The following ACSL4 variants were observed in gnomAD, a reference collection of about 807,000 sequenced individuals.
ACSL4 encodes acyl-CoA synthetase long chain family member 4, also known as long-chain-fatty-acid--CoA ligase 4.
ACSL4 carries 9 observed loss-of-function variants against 49.1 expected under a neutral mutation model. That is an observed-to-expected ratio of 0.18 (90% confidence interval 0.11 to 0.32). ACSL4 has a LOEUF of 0.32. ACSL4 is among the 10% of genes least tolerant of loss of function. The probability of loss-of-function intolerance (pLI) is 1.00; values close to 1 mark genes in which losing one functional copy is unlikely to be tolerated. For missense variants in ACSL4, 333 were observed against 493.7 expected (o/e 0.67, Z 3.08); for synonymous variants, 191 against 170.3 (o/e 1.12, Z -0.95).
chrX:109,703,155 C>T (rs1029879681), intron 1 of ACSL4, among the ~76,000 whole-genome samples: 3 of 111,891 alleles, frequency 2.7e-5, no homozygotes, highest in African/African-American at 9.7e-5. Context: ...TGGAAAAACA[C>T]AGCTGATACC....
Position 109,653,862 on chromosome X carries a change from G to A in ACSL4, c.1855+5492C>T, listed in dbSNP as rs1023535132. On this transcript the variant is annotated intron_variant, in intron 15 of 15. Transcript: ENST00000672401. ...GGAGATATACCTAATGCTAAATGAC[G>A]AGTTAATGGGTGCAGCACACCAGCA... Among the ~76,000 whole-genome samples the A allele has an allele frequency of 2.7e-3, 293 of 108,664 alleles. 2 individuals carry two copies. The highest frequency in any genetic ancestry group is 9.2e-3 in the African/African-American group (273 of 29,757). The allele number at this position is 108,664 out of a possible 115,157, so 94.4% of individuals were successfully genotyped here.
intron 9 of ACSL4, 64 bp from the exon 10 acceptor site, chrX:109,669,237 C>A (rs879238724): frequency 4.6e-5 from 41 of 894,731 alleles, no homozygotes; most frequent in Non-Finnish European, 1.6e-6. Context: ...GTTGAAGATA[C>A]CTTACTTGCA....
chrX:109,707,619 G>A (rs1048153479), intron 1 of ACSL4, among the ~76,000 whole-genome samples: 6 of 110,026 alleles, frequency 5.5e-5, no homozygotes, highest in Admixed American at 9.7e-5. Flanking sequence ...TGGTCTGGGA[G>A]TTGCGGACCC....
chrX:109,648,002 TA>T (rs1038407323), intron 15 of ACSL4, among the ~76,000 whole-genome samples: 11 of 110,820 alleles, frequency 9.9e-5, no homozygotes, highest in African/African-American at 3.0e-4. Flanking sequence ...AATAGACCAA[TA>T]AAAAGTGCTG....
rs185135867 is a variant in ACSL4 at position 109,701,787 on chromosome X, G to A, written c.-65-5591C>T. 1.2e-4 allele frequency among the ~76,000 whole-genome samples: 10 copies of A among 80,845 alleles called. No individual in the cohort carries two copies. The East Asian group carries it at 4.1e-3, about 33-fold the overall frequency. 70.2% of individuals were successfully genotyped at this position (80,845 alleles called of 115,157 possible). A position where few individuals can be genotyped will look rare whatever the true frequency, so the allele number is the denominator to read the frequency against. On this transcript the variant is annotated intron_variant, in intron 1 of 15. Transcript: ENST00000672401. The stretch of plus-strand genomic sequence containing the variant: ...TTTCGATCTCCTGACCTTGTGATTC[G>A]CCCACCTCGGCCTCCCAAAGTGCTG...
At chrX:109,669,767 ATC>A (rs1469137794) in intron 9 of ACSL4, among the ~76,000 whole-genome samples, 4 of 112,649 alleles carry the variant, frequency 3.6e-5, no homozygotes, top group Non-Finnish European at 5.6e-5. Context: ...AAAAAAATTA[ATC>A]TCTGTTACAA....
intron 1 of ACSL4, among the ~76,000 whole-genome samples, chrX:109,721,355 A>G (rs1037566585): frequency 8.9e-6 from 1 of 112,009 alleles, no homozygotes; most frequent in Non-Finnish European, 1.9e-5. Flanking sequence ...TCCCCAGGAG[A>G]GTTGGTCGTA....
chrX:109,700,402 C>G (rs1036187698), intron 1 of ACSL4, among the ~76,000 whole-genome samples: 3 of 105,696 alleles, frequency 2.8e-5, no homozygotes, highest in Non-Finnish European at 5.8e-5. Flanking sequence ...CCGGGCACCA[C>G]GGTGCACGCC....
chrX:109,689,297 T>C (rs1924858997), intron 2 of ACSL4, among the ~76,000 whole-genome samples: 2 of 112,113 alleles, frequency 1.8e-5, no homozygotes, highest in Admixed American at 1.9e-4. Flanking sequence ...TGTGGATAAA[T>C]GGGATAGCCA....
intron 1 of ACSL4, among the ~76,000 whole-genome samples, chrX:109,732,138 A>G (rs1339843798): frequency 1.8e-5 from 2 of 112,413 alleles, no homozygotes; most frequent in African/African-American, 6.5e-5. Context: ...TGATGAGACC[A>G]TTAACTGATA....
At chrX:109,649,336 C>G (rs1934903905) in intron 15 of ACSL4, among the ~76,000 whole-genome samples, 1 of 111,383 alleles carries the variant, frequency 9.0e-6, no homozygotes, top group Non-Finnish European at 1.9e-5. Flanking sequence ...AGATACAGAT[C>G]AATGGAACAG....
intron 2 of ACSL4, among the ~76,000 whole-genome samples, chrX:109,691,038 A>C (rs1925006824): frequency 9.0e-6 from 1 of 111,542 alleles, no homozygotes; most frequent in Non-Finnish European, 1.9e-5. Flanking sequence ...TTTGAGAATG[A>C]AAGAGAAAAA....
Position 109,661,599 on chromosome X carries a change from A to T in ACSL4, c.1629T>A (p.Ser543=). The T allele has an allele frequency of 1.7e-6, 2 of 1,206,698 alleles. No homozygotes were observed. Among genetic ancestry groups the T allele is most frequent in the Admixed American group, 4.4e-5 (2 of 45,907 alleles). The change falls in exon 14 of 16, where the codon TCT becomes TCA. Residue 543 remains serine, a synonymous_variant. Transcript: ENST00000672401. The part of the protein sequence containing the change: ...LVKLQAGEYV[S]LGKVEAALKN... ...TCAGTGCAGCTTCTACTTTCCCAAG[A>T]GATACATACTCTCCTGCTTGTAACT...
chrX:109,678,506 TAAG>T, intron 6 of ACSL4, 91 bp from the exon 7 acceptor site: 1 of 1,056,935 alleles, frequency 9.5e-7, no homozygotes, highest in Non-Finnish European at 1.3e-6. Context: ...TGCATAACGA[TAAG>T]CTATCAATAG....
chrX:109,663,164 T>C, intron 13 of ACSL4, 47 bp downstream of exon 13: 1 of 1,069,337 alleles, frequency 9.4e-7, no homozygotes, highest in South Asian at 2.0e-5. Context: ...TCATATATAC[T>C]GAAGTTATAA....
intron 15 of ACSL4, among the ~76,000 whole-genome samples, chrX:109,645,931 G>C (rs1378484034): frequency 2.7e-5 from 3 of 112,013 alleles, no homozygotes; most frequent in Non-Finnish European, 5.6e-5. Context: ...AATGATGGAA[G>C]ATGAAATGAA....
chrX:109,656,198 A>G (rs984543408), intron 15 of ACSL4, among the ~76,000 whole-genome samples: 2 of 111,508 alleles, frequency 1.8e-5, no homozygotes, highest in Non-Finnish European at 3.8e-5. Flanking sequence ...GAACAAAAAT[A>G]CAGACATGCT....
intron 2 of ACSL4, among the ~76,000 whole-genome samples, chrX:109,686,502 T>A: frequency 8.9e-6 from 1 of 112,003 alleles, no homozygotes; most frequent in Non-Finnish European, 1.9e-5. Flanking sequence ...CATAAAAGCA[T>A]GTCTTCAGAT....
intron 1 of ACSL4, among the ~76,000 whole-genome samples, chrX:109,708,245 T>C (rs960040401): frequency 8.9e-6 from 1 of 112,737 alleles, no homozygotes; most frequent in Non-Finnish European, 1.9e-5. Context: ...TGCACCCACG[T>C]AGAGGTTATT....
Sources: allele counts gnomAD v4.1 joint callset (sites outside exome capture counted in the v4.1 genomes callset), GRCh38; gene constraint gnomAD v4.1.1; transcripts MANE v1.5; gene names NCBI Gene and HGNC (gene_info 2026-07-23, HGNC 2026-07-21).